The following HDAC9 variants were observed in gnomAD, a reference collection of about 807,000 sequenced individuals.
HDAC9 encodes the protein MEF-2 interacting transcription repressor (MITR) protein.
Under a neutral mutation model 139.4 loss-of-function variants are expected in HDAC9, and 41 were observed. That is an observed-to-expected ratio of 0.29 (90% CI 0.23 to 0.38). The LOEUF (loss-of-function observed/expected upper bound fraction) is 0.38. HDAC9 is among the 10% of genes least tolerant of loss of function. The pLI is 1.00. For synonymous variants in HDAC9, 517 were observed against 476.2 expected (o/e 1.09, Z -1.12); for missense variants, 1,147 against 1,297.0 (o/e 0.88, Z 1.78).
chr7:18,981,248 C>A (rs1231698323), intron 25 of HDAC9, among the ~76,000 whole-genome samples: 1 of 152,138 alleles, frequency 6.6e-6, no homozygotes, highest in Non-Finnish European at 1.5e-5. Flanking sequence ...ATCCTCCAAC[C>A]AGCAGAATGA....
At chr7:18,723,358 A>T (rs752373301) in intron 12 of HDAC9, among the ~76,000 whole-genome samples, 4 of 152,182 alleles carry the variant, frequency 2.6e-5, no homozygotes, top group Non-Finnish European at 4.4e-5. Context: ...TCTTCATGGA[A>T]CTTACTAACT....
chr7:18,904,630 T>C (rs1292215344), intron 22 of HDAC9, among the ~76,000 whole-genome samples: 1 of 135,784 alleles, frequency 7.4e-6, no homozygotes, highest in African/African-American at 2.8e-5. Flanking sequence ...CAGGCTGAAG[T>C]GCAGTGACGC....
intron 12 of HDAC9, among the ~76,000 whole-genome samples, chr7:18,675,374 C>G (rs534712088): frequency 3.4e-4 from 51 of 152,066 alleles, no homozygotes; most frequent in African/African-American, 1.1e-3. Flanking sequence ...TTCTGCCAAG[C>G]CTCTGTTTAC....
chr7:18,633,566 G>A (rs776299186), intron 7 of HDAC9, among the ~76,000 whole-genome samples: 5 of 152,026 alleles, frequency 3.3e-5, no homozygotes, highest in African/African-American at 7.2e-5. Flanking sequence ...AAAAGAGAAT[G>A]TAGATAACAT....
At position 18,367,943 on chromosome 7, in the gene HDAC9, T is replaced by A. The variant is rs570067435; in HGVS notation, c.-42+77428T>A. 1.3e-3 allele frequency among the ~76,000 whole-genome samples: 202 copies of A among 152,262 alleles called. 1 individual carries two copies. Among genetic ancestry groups the A allele is most frequent in the Non-Finnish European group, 1.8e-3 (124 of 67,996 alleles). On this transcript the variant is annotated intron_variant, in intron 1 of 3. Transcript: ENST00000413509. ...GAGGTTGAGTATCTTTTGAAACTTA[T>A]TGATTTGATACTTATTCAACATAGT...
chr7:18,792,413 C>A (rs918754006), intron 16 of HDAC9, among the ~76,000 whole-genome samples: 10 of 151,812 alleles, frequency 6.6e-5, no homozygotes, highest in African/African-American at 2.4e-4. Flanking sequence ...AGACTTCTAC[C>A]ATCTGGTACT....
chr7:18,625,264 C>CTCTTT (rs1275420754), intron 6 of HDAC9, among the ~76,000 whole-genome samples: 4 of 152,130 alleles, frequency 2.6e-5, no homozygotes, highest in Middle Eastern at 3.2e-3. Flanking sequence ...CTAATAATCT[C>CTCTTT]TCTTTTCTTT....
rs142172939 is a variant in HDAC9, at chr7:18,871,489, A to G, written c.2685-2989A>G. On this transcript the variant is annotated intron_variant, in intron 21 of 25. Coordinates refer to ENST00000686413, the MANE Select transcript of HDAC9 (RefSeq NM_178425.4). ...CTAACCCATGGATACAGTCATCTAA[A>G]TGATTCATCTATTATATATTAAGAA... Among the ~76,000 whole-genome samples, 631 of 152,292 alleles carry G rather than the reference A, an allele frequency of 4.1e-3. 6 individuals carry two copies. In the Middle Eastern group the frequency reaches 0.051, roughly 12 times the overall value.
At chr7:18,913,315 C>G (rs368996423) in intron 22 of HDAC9, among the ~76,000 whole-genome samples, 18 of 152,170 alleles carry the variant, frequency 1.2e-4, no homozygotes, top group African/African-American at 4.1e-4. Context: ...ACTTGATGCA[C>G]AAATGTTTTT....
chr7:18,202,621 G>A (rs1409464141), intron 2 of HDAC9, among the ~76,000 whole-genome samples: 1 of 152,216 alleles, frequency 6.6e-6, no homozygotes, highest in African/African-American at 2.4e-5. Context: ...TATGATTTAA[G>A]TTGTTAAGAT....
At chr7:18,666,972 G>C (rs1318284392) in intron 12 of HDAC9, 3 of 986,336 alleles carry the variant, frequency 3.0e-6, no homozygotes, top group Non-Finnish European at 3.6e-6. Flanking sequence ...CTATAGTCTT[G>C]AACACTGTTA....
At chr7:18,148,592 G>A (rs1192091292) in intron 1 of HDAC9, among the ~76,000 whole-genome samples, 1 of 152,186 alleles carries the variant, frequency 6.6e-6, no homozygotes, top group East Asian at 1.9e-4. Context: ...GAGTAGCTGG[G>A]ATTACAGGCG....
intron 1 of HDAC9, among the ~76,000 whole-genome samples, chr7:18,409,408 A>G (rs1182220807): frequency 6.6e-6 from 1 of 151,218 alleles, no homozygotes; most frequent in African/African-American, 2.5e-5. Flanking sequence ...CTCATTAACG[A>G]TGGGCCTTTT....
chr7:18,147,370 A>C (rs1197182476), intron 1 of HDAC9, among the ~76,000 whole-genome samples: 1 of 152,192 alleles, frequency 6.6e-6, no homozygotes, highest in Non-Finnish European at 1.5e-5. Context: ...ATTGGATTAA[A>C]TATTGATGTT....
intron 1 of HDAC9, among the ~76,000 whole-genome samples, chr7:18,406,868 T>A (rs1318460545): frequency 4.6e-5 from 7 of 152,148 alleles, no homozygotes; most frequent in South Asian, 2.1e-4. Flanking sequence ...TGAAGGACTC[T>A]CTTTATACAC....
chr7:18,977,925 C>G (rs1267695776), intron 25 of HDAC9, among the ~76,000 whole-genome samples: 79 of 65,128 alleles, frequency 1.2e-3, no homozygotes, highest in African/African-American at 3.0e-3. Flanking sequence ...GACAGACACA[C>G]ACACACACAC....
chr7:18,987,918 C>T (rs971211028), intron 25 of HDAC9, among the ~76,000 whole-genome samples: 2 of 151,890 alleles, frequency 1.3e-5, no homozygotes, highest in African/African-American at 4.8e-5. Flanking sequence ...GTGATATCCT[C>T]TTTATCATTT....
chr7:18,926,848 C>A (rs1804275209), intron 22 of HDAC9, among the ~76,000 whole-genome samples: 1 of 152,174 alleles, frequency 6.6e-6, no homozygotes, highest in Non-Finnish European at 1.5e-5. Flanking sequence ...CCTGGAGCAT[C>A]ACTGACTAGA....
chr7:18,406,847 T>G (rs1180347250), intron 1 of HDAC9, among the ~76,000 whole-genome samples: 2 of 152,136 alleles, frequency 1.3e-5, no homozygotes, highest in African/African-American at 4.8e-5. Flanking sequence ...TTATTAAAAA[T>G]AATATAGTGA....
Sources: allele counts gnomAD v4.1 joint callset (sites outside exome capture counted in the v4.1 genomes callset), GRCh38; gene constraint gnomAD v4.1.1; transcripts MANE v1.5; gene names NCBI Gene and HGNC (gene_info 2026-07-23, HGNC 2026-07-21).